IQCJ: variants seen among roughly 807,000 people sequenced by gnomAD.
The protein encoded by IQCJ is IQ motif containing J, also known as IQ domain-containing protein J.
In IQCJ, 9 loss-of-function variants were observed where a neutral mutation model predicts 11.0. That is an observed-to-expected ratio of 0.82 (90% confidence interval 0.49 to 1.43). The LOEUF (loss-of-function observed/expected upper bound fraction) is 1.43. Ranked by LOEUF, IQCJ falls within the 40% of genes most tolerant of loss-of-function variation. The pLI is 0.00. For synonymous variants in IQCJ, 55 were observed against 51.3 expected (o/e 1.07, Z -0.31); for missense variants, 146 against 133.2 (o/e 1.10, Z -0.47).
At chr3:159,162,787 A>C (rs567747305) in intron 1 of IQCJ, among the ~76,000 whole-genome samples, 84 of 152,356 alleles carry the variant, frequency 5.5e-4, no homozygotes, top group African/African-American at 1.7e-3. Flanking sequence ...AGAGAATACT[A>C]CAAACACCTC....
intron 1 of IQCJ, among the ~76,000 whole-genome samples, chr3:159,152,521 G>A (rs1193898226): frequency 6.6e-6 from 1 of 152,164 alleles, no homozygotes; most frequent in East Asian, 1.9e-4. Context: ...TTAAATACTA[G>A]CTCAGCCACT....
chr3:159,182,083 C>T (rs1050469731), intron 1 of IQCJ, among the ~76,000 whole-genome samples: 2 of 151,910 alleles, frequency 1.3e-5, no homozygotes, highest in Admixed American at 1.3e-4. Context: ...TCATTATATA[C>T]ATGCATGTAG....
At chr3:159,265,388 T>C, downstream of IQCJ, 1 of 1,613,260 alleles carries the variant, frequency 6.2e-7, no homozygotes, top group South Asian at 1.1e-5. Flanking sequence ...GACTTGGTTT[T>C]CTCACCCTCC....
chr3:159,119,424 G>A (rs1719219377), intron 1 of IQCJ, among the ~76,000 whole-genome samples: 1 of 152,190 alleles, frequency 6.6e-6, no homozygotes, highest in African/African-American at 2.4e-5. Flanking sequence ...GATGCAGAAT[G>A]AGTCTCAGTT....
intron 3 of IQCJ, among the ~76,000 whole-genome samples, chr3:159,260,608 G>T (rs769251862): frequency 1.1e-4 from 17 of 152,236 alleles, no homozygotes; most frequent in Admixed American, 2.0e-4. Flanking sequence ...TCTTGAAGAA[G>T]CAAGAAGACC....
chr3:159,231,920 A>C (rs1395055208), intron 1 of IQCJ, among the ~76,000 whole-genome samples: 1 of 152,138 alleles, frequency 6.6e-6, no homozygotes, highest in South Asian at 2.1e-4. Flanking sequence ...ATTTGCATAG[A>C]GGTGTTTATA....
At chr3:159,172,995 A>G (rs1280287993) in intron 1 of IQCJ, among the ~76,000 whole-genome samples, 1 of 152,214 alleles carries the variant, frequency 6.6e-6, no homozygotes, top group Non-Finnish European at 1.5e-5. Flanking sequence ...ATGACTGGAA[A>G]TCAAATGACT....
chr3:159,238,761 A>ATGT (rs2108174066), intron 1 of IQCJ, among the ~76,000 whole-genome samples: 1 of 152,118 alleles, frequency 6.6e-6, no homozygotes, highest in East Asian at 1.9e-4. Flanking sequence ...AGTTAGAGGC[A>ATGT]TGTTGTCACT....
At chr3:159,228,568 A>G (rs1021751679) in intron 1 of IQCJ, among the ~76,000 whole-genome samples, 4 of 152,110 alleles carry the variant, frequency 2.6e-5, no homozygotes, top group African/African-American at 9.7e-5. Flanking sequence ...AGGCGGGCGG[A>G]TCACGAGGTC....
In IQCJ at chr3:159,182,069, C is replaced by T. The variant is rs556357341; in HGVS notation, c.10-63774C>T. Among the ~76,000 whole-genome samples, 57 of 151,974 alleles carry T rather than the reference C, an allele frequency of 3.8e-4. 1 individual carries two copies. Among genetic ancestry groups the T allele is most frequent in the African/African-American group, 7.3e-4 (30 of 41,310 alleles). On this transcript the variant is annotated intron_variant, in intron 1 of 3. Coordinates refer to ENST00000397832, the MANE Select transcript of IQCJ (RefSeq NM_001042706.3). ...TTCCTCTACATTTGCTTTAACTGTA[C>T]GCCTCATTATATACATGCATGTAGC...
At chr3:159,250,432 A>G (rs1727530386) in intron 2 of IQCJ, among the ~76,000 whole-genome samples, 1 of 152,174 alleles carries the variant, frequency 6.6e-6, no homozygotes, top group Admixed American at 6.6e-5. Flanking sequence ...AATATATAGA[A>G]TTATAAAAAT....
chr3:159,110,869 C>G (rs1024046368), intron 1 of IQCJ, among the ~76,000 whole-genome samples: 8 of 152,072 alleles, frequency 5.3e-5, no homozygotes, highest in African/African-American at 1.9e-4. Context: ...GCTTAAAAAA[C>G]AAAAGCAAAC....
intron 3 of IQCJ, among the ~76,000 whole-genome samples, chr3:159,255,248 C>T (rs1727831908): frequency 6.6e-6 from 1 of 152,180 alleles, no homozygotes. Context: ...AAAATCCCCT[C>T]TCCTGAAGGC....
intron 1 of IQCJ, among the ~76,000 whole-genome samples, chr3:159,201,146 T>C (rs190526371): frequency 1.3e-5 from 2 of 152,266 alleles, no homozygotes; most frequent in Admixed American, 1.3e-4. Flanking sequence ...GAGTGTGCTT[T>C]TTCAAGAATA....
chr3:159,182,558 G>A (rs972167515), intron 1 of IQCJ, among the ~76,000 whole-genome samples: 2 of 151,900 alleles, frequency 1.3e-5, no homozygotes, highest in Admixed American at 6.5e-5. Flanking sequence ...CGAGCTCCCC[G>A]AGTGAGCAAT....
intron 1 of IQCJ, among the ~76,000 whole-genome samples, chr3:159,153,481 CTTCA>C (rs1296235025): frequency 6.6e-6 from 1 of 152,166 alleles, no homozygotes; most frequent in African/African-American, 2.4e-5. Flanking sequence ...CCGTTCATTT[CTTCA>C]TTCAACAAGT....
intron 3 of IQCJ, among the ~76,000 whole-genome samples, chr3:159,260,040 T>A (rs1402110980): frequency 6.6e-6 from 1 of 152,212 alleles, no homozygotes; most frequent in East Asian, 1.9e-4. Context: ...CTTAATATTG[T>A]CACCTTATAA....
At chr3:159,094,308 T>C (rs574066664) in intron 1 of IQCJ, among the ~76,000 whole-genome samples, 22 of 151,686 alleles carry the variant, frequency 1.5e-4, no homozygotes, top group African/African-American at 5.1e-4. Context: ...AGATATTAGA[T>C]AGCAGAGATT....
At chr3:159,232,835 A>G (rs1726343936) in intron 1 of IQCJ, among the ~76,000 whole-genome samples, 1 of 151,994 alleles carries the variant, frequency 6.6e-6, no homozygotes, top group Non-Finnish European at 1.5e-5. Context: ...GTCTCCCACT[A>G]TTGTTGTGTG....
Sources: gnomAD v4.1 joint callset for allele counts (sites outside exome capture counted in the v4.1 genomes callset) on GRCh38, gnomAD v4.1.1 for gene constraint, MANE v1.5 for transcripts, NCBI Gene and HGNC (gene_info 2026-07-23, HGNC 2026-07-21) for gene names.